TASP1: variants seen among roughly 807,000 people sequenced by gnomAD.
The protein encoded by TASP1 is threonine aspartase 1.
TASP1 carries 16 observed loss-of-function variants against 56.6 expected under a neutral mutation model. The observed-to-expected ratio is 0.28, with a 90% CI of 0.19 to 0.43. TASP1 has a LOEUF of 0.43. TASP1 is among the 20% of genes least tolerant of loss of function. The pLI, the probability that TASP1 is intolerant of heterozygous loss-of-function variation, is 1.00. For synonymous variants in TASP1, 179 were observed against 184.2 expected (o/e 0.97, Z 0.23); for missense variants, 393 against 511.6 (o/e 0.77, Z 2.24).
the TASP1 span, chr20:13,117,415 G>A: frequency 8.1e-7 from 1 of 1,235,126 alleles, no homozygotes; most frequent in African/African-American, 1.5e-5. Flanking sequence ...CGTGTGTCAG[G>A]GAAGACTGTC....
At chr20:13,532,667 G>A (rs1357936524) in intron 9 of TASP1, among the ~76,000 whole-genome samples, 2 of 152,132 alleles carry the variant, frequency 1.3e-5, no homozygotes, top group Non-Finnish European at 2.9e-5. Context: ...ATTGTTAGAC[G>A]TAATATCCTG....
chr20:13,352,365 G>A, the TASP1 span, among the ~76,000 whole-genome samples: 6 of 150,598 alleles, frequency 4.0e-5, no homozygotes, highest in East Asian at 2.0e-4. Context: ...CATAAGAATC[G>A]CTTGAACCCC....
chr20:13,187,557 G>C, the TASP1 span, among the ~76,000 whole-genome samples: 1 of 151,760 alleles, frequency 6.6e-6, no homozygotes, highest in African/African-American at 2.4e-5. Context: ...AGACCATCCT[G>C]GCCAATATGA....
chr20:13,145,073 C>A, the TASP1 span, among the ~76,000 whole-genome samples: 2 of 152,110 alleles, frequency 1.3e-5, no homozygotes, highest in African/African-American at 4.8e-5. Context: ...CCGCACCTGG[C>A]CTACTATGTG....
intron 4 of TASP1, chr20:13,614,654 A>C: frequency 2.9e-6 from 1 of 342,894 alleles, no homozygotes; most frequent in South Asian, 2.5e-5. Context: ...ATTAAGCAGA[A>C]AAATGACATC....
the TASP1 span, among the ~76,000 whole-genome samples, chr20:13,177,641 G>T: frequency 6.6e-6 from 1 of 152,102 alleles, no homozygotes; most frequent in Non-Finnish European, 1.5e-5. Flanking sequence ...TGATGAAGAT[G>T]CCAAGAACAC....
At chr20:13,411,360 A>G (rs1200481287) in intron 13 of TASP1, among the ~76,000 whole-genome samples, 4 of 152,114 alleles carry the variant, frequency 2.6e-5, no homozygotes, top group Non-Finnish European at 4.4e-5. Context: ...GGAAAATATC[A>G]TTGGTATTTG....
At chr20:13,467,368 C>T (rs1205530194) in intron 11 of TASP1, among the ~76,000 whole-genome samples, 1 of 150,380 alleles carries the variant, frequency 6.6e-6, no homozygotes. Flanking sequence ...AATAGTAATT[C>T]AAACTACCAT....
the TASP1 span, among the ~76,000 whole-genome samples, chr20:13,223,166 A>G: frequency 6.9e-6 from 1 of 144,282 alleles, no homozygotes; most frequent in African/African-American, 2.6e-5. Flanking sequence ...CAAAAAAAAA[A>G]TAAAATAAAA....
chr20:13,425,943 A>G (rs2042604242), intron 12 of TASP1, among the ~76,000 whole-genome samples: 1 of 152,148 alleles, frequency 6.6e-6, no homozygotes, highest in Admixed American at 6.6e-5. Context: ...AACTTTCACC[A>G]CTTAACTGTC....
chr20:13,471,962 G>A (rs1440923039), intron 11 of TASP1, among the ~76,000 whole-genome samples: 1 of 152,122 alleles, frequency 6.6e-6, no homozygotes, highest in Non-Finnish European at 1.5e-5. Context: ...AGCTACCAAT[G>A]ACTTTCTTCA....
chr20:13,544,845 A>G (rs2045750118), intron 8 of TASP1, among the ~76,000 whole-genome samples: 1 of 152,198 alleles, frequency 6.6e-6, no homozygotes, highest in Non-Finnish European at 1.5e-5. Flanking sequence ...TGAGTCTTAT[A>G]GCAGTGGGGA....
the TASP1 span, among the ~76,000 whole-genome samples, chr20:13,206,956 T>C: frequency 6.6e-6 from 1 of 152,180 alleles, no homozygotes; most frequent in South Asian, 2.1e-4. Context: ...ATTGTGAAGG[T>C]AGGAGATGAG....
At chr20:13,160,250 C>A in the TASP1 span, 1 of 1,274,184 alleles carries the variant, frequency 7.8e-7, no homozygotes, top group Non-Finnish European at 1.0e-6. Flanking sequence ...AGGAAAACAA[C>A]ACTGACAAAA....
chr20:13,591,659 T>C (rs1475162552), intron 4 of TASP1, among the ~76,000 whole-genome samples: 2 of 152,166 alleles, frequency 1.3e-5, no homozygotes, highest in Admixed American at 1.3e-4. Context: ...TGATTAATAC[T>C]CTAAATAAGT....
intron 7 of TASP1, among the ~76,000 whole-genome samples, chr20:13,560,550 C>G (rs1697703217): frequency 6.6e-6 from 1 of 152,160 alleles, no homozygotes; most frequent in African/African-American, 2.4e-5. Flanking sequence ...CTCCCTCTAT[C>G]TCAAAAGCAA....
chr20:13,159,868 A>G, the TASP1 span: 4 of 1,225,578 alleles, frequency 3.3e-6, no homozygotes, highest in Non-Finnish European at 3.3e-6. Flanking sequence ...AACTTCAATC[A>G]TCTTCCACTT....
chr20:13,239,237 T>C, the TASP1 span: 1 of 152,282 alleles, frequency 6.6e-6, no homozygotes, highest in South Asian at 2.1e-4. Flanking sequence ...TTCGAAGTTC[T>C]GTTCCAGGTT....
At chr20:13,363,207 T>C in the TASP1 span, among the ~76,000 whole-genome samples, 1 of 152,132 alleles carries the variant, frequency 6.6e-6, no homozygotes, top group East Asian at 1.9e-4. Flanking sequence ...GACCAAATCT[T>C]GATTACAAGC....
Sources: gnomAD v4.1 joint callset for allele counts (sites outside exome capture counted in the v4.1 genomes callset) on GRCh38, gnomAD v4.1.1 for gene constraint, MANE v1.5 for transcripts, NCBI Gene and HGNC (gene_info 2026-07-23, HGNC 2026-07-21) for gene names.